MAK: variants seen among roughly 807,000 people sequenced by gnomAD.
MAK encodes the protein serine/threonine-protein kinase MAK.
In MAK, 65 loss-of-function variants were observed where a neutral mutation model predicts 82.6. The observed-to-expected ratio is 0.79, with a 90% CI of 0.64 to 0.97. The LOEUF (loss-of-function observed/expected upper bound fraction) is 0.97, where lower values mean the gene tolerates loss of function less well. MAK is among the 50% of genes least tolerant of loss of function. MAK has a pLI of 0.00. For synonymous variants in MAK, 250 were observed against 274.2 expected (o/e 0.91, Z 0.87); for missense variants, 703 against 780.2 (o/e 0.90, Z 1.18).
In MAK at chr6:10,792,827, C is replaced by A. The variant is rs574369067; in HGVS notation, c.1144-980G>T. ...AGCAGTATTTGCCAGCTTCTCTACA[C>A]TATTACTTTCTCTGCCAGGCACAAC... On this transcript the variant is annotated intron_variant, in intron 9 of 14. Coordinates refer to ENST00000354489, the MANE Select transcript of MAK (RefSeq NM_001242957.3). 3.3e-5 allele frequency among the ~76,000 whole-genome samples: 5 copies of A among 152,244 alleles called. No individual in the cohort carries two copies. In the South Asian group the frequency reaches 1.0e-3, roughly 32 times the overall value.
At chr6:10,779,549 C>A in intron 11 of MAK, 1 of 895,458 alleles carries the variant, frequency 1.1e-6, no homozygotes, top group Non-Finnish European at 1.3e-6. Context: ...AAAGTCGATG[C>A]TTAATAAGAC....
At chr6:10,786,970 C>T (rs1435926503) in intron 10 of MAK, among the ~76,000 whole-genome samples, 4 of 124,908 alleles carry the variant, frequency 3.2e-5, no homozygotes, top group Admixed American at 7.5e-5. Context: ...TTCACCACTC[C>T]GCTAATGCAC....
chr6:10,784,703 T>C, intron 10 of MAK, 131 bp from the exon 11 acceptor site: 1 of 832,344 alleles, frequency 1.2e-6, no homozygotes, highest in South Asian at 1.4e-5. Flanking sequence ...ATGGTTTCCA[T>C]CAGTCTTTTG....
intron 11 of MAK, among the ~76,000 whole-genome samples, chr6:10,784,178 G>C (rs756207949): frequency 3.9e-5 from 6 of 152,014 alleles, no homozygotes; most frequent in Non-Finnish European, 8.8e-5. Flanking sequence ...GGGGGGTGGG[G>C]GTTGGTGTTT....
At chr6:10,780,872 T>A (rs1581661655) in intron 11 of MAK, among the ~76,000 whole-genome samples, 1 of 152,324 alleles carries the variant, frequency 6.6e-6, no homozygotes, top group East Asian at 1.9e-4. Context: ...TCTCAGAATT[T>A]CTTTTTTCTT....
chr6:10,789,952 C>T (rs1774932756), intron 10 of MAK, among the ~76,000 whole-genome samples: 1 of 152,164 alleles, frequency 6.6e-6, no homozygotes, highest in African/African-American at 2.4e-5. Context: ...CCTCCGCACC[C>T]AGCCCAAAAT....
At chr6:10,832,920 A>C (rs751729204) in intron 1 of MAK, among the ~76,000 whole-genome samples, 1 of 152,198 alleles carries the variant, frequency 6.6e-6, no homozygotes, top group East Asian at 1.9e-4. Flanking sequence ...AAACCCAAAA[A>C]CATGTGTGAC....
In MAK at chr6:10,763,546, TA is replaced by T. The variant is rs35696238; in HGVS notation, c.*905del. 0.82 allele frequency: 114,206 copies of T among 139,468 alleles called. 46,547 individuals are homozygous for T. Among genetic ancestry groups the T allele is most frequent in the East Asian group, 0.92 (4,434 of 4,844 alleles). The allele number at this position is 139,468 out of a possible 1,614,324, so 8.6% of individuals were successfully genotyped here. A position where few individuals can be genotyped will look rare whatever the true frequency, so the allele number is the denominator to read the frequency against. ...TCTATGTTAAAGATAAATTTATTTC[TA>T]AAAAAAAAAAAAAAAAGCTGGGCAC... On this transcript the variant is annotated 3_prime_UTR_variant, in exon 15 of 15. Transcript: ENST00000354489.
At chr6:10,822,343 A>G (rs1051885671) in intron 2 of MAK, among the ~76,000 whole-genome samples, 2 of 151,894 alleles carry the variant, frequency 1.3e-5, no homozygotes, top group Admixed American at 1.3e-4. Flanking sequence ...AATCCCAGCT[A>G]CTTGGGAGAC....
intron 14 of MAK, among the ~76,000 whole-genome samples, chr6:10,769,830 G>A (rs1405702354): frequency 6.6e-6 from 1 of 152,068 alleles, no homozygotes; most frequent in Non-Finnish European, 1.5e-5. Flanking sequence ...TACATCATCA[G>A]GTTATCATGA....
At chr6:10,817,148 G>GTGTGTGTC (rs1172450983) in intron 4 of MAK, among the ~76,000 whole-genome samples, 4 of 152,042 alleles carry the variant, frequency 2.6e-5, no homozygotes, top group Non-Finnish European at 2.9e-5. Flanking sequence ...GTGTGTGTGT[G>GTGTGTGTC]TGTGTAAGAA....
rs1446952768 is a variant in MAK, at chr6:10,793,371, C to T, written c.1144-1524G>A. Among the ~76,000 whole-genome samples the T allele has an allele frequency of 1.3e-5, 2 of 152,128 alleles. No individual in the cohort carries two copies. The highest frequency in any genetic ancestry group is 2.9e-5 in the Non-Finnish European group (2 of 68,028). ...TTCTAGTAGCCTGCCCAAGATCTCA[C>T]GGTCGTTCTATTCATCATGAAGATT... is the stretch of plus-strand genomic sequence containing the variant. On this transcript the variant is annotated intron_variant, in intron 9 of 14. Transcript: ENST00000354489. The surrounding 1 kb of genome is among the most constrained non-coding windows in gnomAD (Gnocchi z 4.6).
intron 11 of MAK, among the ~76,000 whole-genome samples, chr6:10,777,695 A>G (rs1351290158): frequency 6.6e-6 from 1 of 152,098 alleles, no homozygotes; most frequent in East Asian, 1.9e-4. Context: ...CTGGAGTGCA[A>G]TGGCGTGATC....
intron 2 of MAK, among the ~76,000 whole-genome samples, chr6:10,822,015 C>T (rs9467640): frequency 0.02 from 2,983 of 145,960 alleles, 77 homozygotes; most frequent in African/African-American, 0.069. Flanking sequence ...GGCGTGGTGG[C>T]GGGCGCCTGT....
At chr6:10,803,427 C>G (rs1776163528) in intron 7 of MAK, among the ~76,000 whole-genome samples, 1 of 151,846 alleles carries the variant, frequency 6.6e-6, no homozygotes, top group Non-Finnish European at 1.5e-5. Flanking sequence ...CACCTGTAAT[C>G]CCAGCTACTT....
intron 13 of MAK, among the ~76,000 whole-genome samples, chr6:10,770,468 C>G (rs533418833): frequency 1.3e-5 from 2 of 152,258 alleles, no homozygotes; most frequent in South Asian, 4.1e-4. Context: ...TAACTTCTCA[C>G]AGTTAGTAAG....
At chr6:10,770,915 G>C (rs1382724567) in intron 13 of MAK, among the ~76,000 whole-genome samples, 1 of 152,108 alleles carries the variant, frequency 6.6e-6, no homozygotes, top group East Asian at 1.9e-4. Context: ...AGTGGCAGAG[G>C]GTGAAGAAGA....
chr6:10,818,748 A>T (rs566677731), intron 3 of MAK, 138 bp downstream of exon 3: 1 of 668,484 alleles, frequency 1.5e-6, no homozygotes, highest in African/African-American at 1.8e-5. Context: ...AAGAAATGAG[A>T]AATTAATTTA....
chr6:10,808,272 C>T (rs1403734279), intron 6 of MAK, among the ~76,000 whole-genome samples: 1 of 152,150 alleles, frequency 6.6e-6, no homozygotes, highest in Non-Finnish European at 1.5e-5. Flanking sequence ...TCAACATTGT[C>T]TAAGATTCGT....
Sources: allele counts gnomAD v4.1 joint callset (sites outside exome capture counted in the v4.1 genomes callset), GRCh38; gene constraint gnomAD v4.1.1; non-coding constraint Gnocchi (gnomAD v3.1); transcripts MANE v1.5; gene names NCBI Gene and HGNC (gene_info 2026-07-23, HGNC 2026-07-21).